Variants in RASL10B observed in about 807,000 individuals in gnomAD.
The protein encoded by RASL10B is RAS like family 10 member B.
RASL10B carries 10 observed loss-of-function variants against 20.7 expected under a neutral mutation model. The observed-to-expected ratio is 0.48, with a 90% CI of 0.30 to 0.82. The LOEUF (loss-of-function observed/expected upper bound fraction) is 0.82, where lower values mean the gene tolerates loss of function less well. Among genes scored for constraint, RASL10B ranks in the 40% least tolerant of loss-of-function variants. The pLI, the probability that RASL10B is intolerant of heterozygous loss-of-function variation, is 0.07. For synonymous variants in RASL10B, 110 were observed against 123.3 expected, an observed-to-expected ratio of 0.89 and a Z score of 0.72; for missense variants, 231 against 295.4, an observed-to-expected ratio of 0.78 and a Z score of 1.60.
Position 35,740,409 on chromosome 17 carries a change from G to A in RASL10B, c.217G>A (p.Glu73Lys). 6.2e-7 allele frequency: 1 copy of A among 1,613,476 alleles called. No homozygotes were observed. The highest frequency in any genetic ancestry group is 8.5e-7 in the Non-Finnish European group (1 of 1,179,700). Reference protein sequence around the residue: ...ISAFPVNTLQEWADTCCRGLR... With the variant: ...ISAFPVNTLQKWADTCCRGLR... ...CTGGTACTGGCTGGGGATATTGCAG[G>A]AGTGGGCAGACACCTGCTGCAGGGG... The change falls in exon 3 of 4, where the codon GAG (glutamate) becomes AAG (lysine). Residue 73 changes from glutamate to lysine, a missense_variant and splice_region_variant. Physicochemically the swap from Glu to Lys is moderately conservative, Grantham distance 56. Coordinates refer to ENST00000603017, the MANE Select transcript of RASL10B (RefSeq NM_033315.4).
In RASL10B at chr17:35,742,797, T is replaced by G. The variant is rs2085638204; in HGVS notation, c.*1492T>G. 6.6e-6 allele frequency: 1 copy of G among 152,286 alleles called. No homozygotes were observed. Among genetic ancestry groups the G allele is most frequent in the Non-Finnish European group, 1.5e-5 (1 of 68,088 alleles). The allele number at this position is 152,286 out of a possible 1,614,324, so 9.4% of individuals were successfully genotyped here. A position where few individuals can be genotyped will look rare whatever the true frequency, so the allele number is the denominator to read the frequency against. On this transcript the variant is annotated 3_prime_UTR_variant, in exon 4 of 4. Transcript: ENST00000603017. Reference sequence around the variant, plus strand: ...AGGGGCAGAGAGGACAACTCCGCTTTGGCCAACCTAGCCAAGGCTGCAGCA... The same window carrying G: ...AGGGGCAGAGAGGACAACTCCGCTTGGGCCAACCTAGCCAAGGCTGCAGCA...
chr17:35,740,387 G>T, intron 2 of RASL10B, 22 bp from the exon 3 acceptor site: 1 of 1,611,174 alleles, frequency 6.2e-7, no homozygotes, highest in Non-Finnish European at 8.5e-7. Context: ...TCTGACCCTG[G>T]TACTGGCTGG....
At chr17:35,736,444 G>A (rs764566273) in intron 2 of RASL10B, among the ~76,000 whole-genome samples, 1 of 152,222 alleles carries the variant, frequency 6.6e-6, no homozygotes, top group African/African-American at 2.4e-5. Context: ...CAGGCAGGAG[G>A]GCCCTGGCCT....
chr17:35,742,492 A>G lies in RASL10B; in HGVS notation c.*1187A>G, dbSNP rs782296485. 1 of 152,738 alleles carries G rather than the reference A, an allele frequency of 6.5e-6. No individual in the cohort carries two copies. Among genetic ancestry groups the G allele is most frequent in the South Asian group, 2.1e-4 (1 of 4,838 alleles). The allele number at this position is 152,738 out of a possible 1,614,324, so 9.5% of individuals were successfully genotyped here. On this transcript the variant is annotated 3_prime_UTR_variant, in exon 4 of 4. Transcript: ENST00000603017. ...TCTGACACCCTCTTGTCCCAACACC[A>G]GTCAGCCCTATACCCTAACTCACTC... is the stretch of plus-strand genomic sequence containing the variant.
At chr17:35,737,942 AG>A (rs2085604611) in intron 2 of RASL10B, among the ~76,000 whole-genome samples, 1 of 148,296 alleles carries the variant, frequency 6.7e-6, no homozygotes, top group Admixed American at 6.7e-5. Context: ...TGGAGTTTGG[AG>A]GGGAGGTTAT....
chr17:35,734,006 T>G (rs1256654258), intron 1 of RASL10B, among the ~76,000 whole-genome samples: 1 of 152,210 alleles, frequency 6.6e-6, no homozygotes, highest in African/African-American at 2.4e-5. Context: ...TTAGAATCAC[T>G]GAACTTGGCC....
intron 1 of RASL10B, among the ~76,000 whole-genome samples, chr17:35,733,680 T>C (rs2085573179): frequency 6.6e-6 from 1 of 152,254 alleles, no homozygotes; most frequent in African/African-American, 2.4e-5. Context: ...GTCTCAGGCA[T>C]GTAACAGCCT....
intron 1 of RASL10B, among the ~76,000 whole-genome samples, chr17:35,733,816 C>T (rs2085573846): frequency 6.6e-6 from 1 of 152,212 alleles, no homozygotes; most frequent in South Asian, 2.1e-4. Context: ...AGCATGGCTC[C>T]AGTTGAGAAG....
Position 35,741,060 on chromosome 17 carries a change from A to G in RASL10B, c.367A>G (p.Ile123Val). 6.2e-7 allele frequency: 1 copy of G among 1,607,880 alleles called. No homozygotes were observed. The highest frequency in any genetic ancestry group is 8.5e-7 in the Non-Finnish European group (1 of 1,175,736). ...GGTGATCGGAACCTCAGAGACGCCCATCATCATCGTGGGCAACAAGCGGGA... is the reference window on the plus strand; with the variant it reads ...GGTGATCGGAACCTCAGAGACGCCCGTCATCATCGTGGGCAACAAGCGGGA... ...TRVIGTSETP[I>V]IIVGNKRDLQ... Residue 123 changes from isoleucine (I) to valine (V), a missense_variant, in exon 4 of 4, where the codon ATC (isoleucine) becomes GTC (valine). Physicochemically the swap from Ile to Val is conservative, Grantham distance 29. Coordinates refer to ENST00000603017, the MANE Select transcript of RASL10B (RefSeq NM_033315.4).
chr17:35,739,804 ACACT>A (rs1373873125), intron 2 of RASL10B, among the ~76,000 whole-genome samples: 3 of 152,236 alleles, frequency 2.0e-5, no homozygotes, highest in Non-Finnish European at 4.4e-5. Context: ...ACAGTGCTAG[ACACT>A]CAGGGAGGAA....
intron 3 of RASL10B, 101 bp from the exon 4 acceptor site, chr17:35,740,934 A>G (rs1555597833): frequency 2.0e-6 from 2 of 981,270 alleles, no homozygotes; most frequent in East Asian, 2.5e-5. Flanking sequence ...CTGGAGCAGA[A>G]CCTACGGTGG....
intron 1 of RASL10B, among the ~76,000 whole-genome samples, chr17:35,734,717 G>A (rs1017150860): frequency 2.0e-5 from 3 of 152,214 alleles, no homozygotes; most frequent in Admixed American, 6.5e-5. Context: ...AGGTGTTGCC[G>A]TCTTGTCCCA....
At chr17:35,739,603 G>C (rs978346743) in intron 2 of RASL10B, among the ~76,000 whole-genome samples, 2 of 152,188 alleles carry the variant, frequency 1.3e-5, no homozygotes, top group Non-Finnish European at 2.9e-5. Context: ...CTCTACATCA[G>C]CCCATTATGC....
rs947929273 is a variant in RASL10B at position 35,735,051 on chromosome 17, C to T, written c.-134C>T. ...TTGTCCCCACAGTCCAGGTGGAGGCCGCAGAGGGCCCAGGGCAAGCAGAGG... is the reference window on the plus strand; with the variant it reads ...TTGTCCCCACAGTCCAGGTGGAGGCTGCAGAGGGCCCAGGGCAAGCAGAGG... On this transcript the variant is annotated 5_prime_UTR_variant, in exon 2 of 4. Transcript: ENST00000603017. The surrounding 1 kb of genome is among the most constrained non-coding windows in gnomAD (Gnocchi z 6.7). The T allele has an allele frequency of 1.5e-5, 13 of 883,042 alleles. No individual in the cohort carries two copies. Among genetic ancestry groups the T allele is most frequent in the East Asian group, 5.0e-5 (2 of 40,336 alleles). The allele number at this position is 883,042 out of a possible 1,614,324, so 54.7% of individuals were successfully genotyped here. A position where few individuals can be genotyped will look rare whatever the true frequency, so the allele number is the denominator to read the frequency against.
At chr17:35,736,111 T>A (rs1360840992) in intron 2 of RASL10B, among the ~76,000 whole-genome samples, 1 of 152,178 alleles carries the variant, frequency 6.6e-6, no homozygotes, top group Non-Finnish European at 1.5e-5. Context: ...GGTTTGGATT[T>A]AAATGCCTGA....
chr17:35,740,767 G>C (rs117253863), intron 3 of RASL10B, among the ~76,000 whole-genome samples: 2,350 of 152,302 alleles, frequency 0.015, 24 homozygotes, highest in Non-Finnish European at 0.024. Context: ...GGGACTTCTG[G>C]AACAAGACTT....
At position 35,741,417 on chromosome 17, in the gene RASL10B, G is replaced by T; in HGVS notation, c.*112G>T. The T allele has an allele frequency of 7.5e-7, 1 of 1,340,372 alleles. No individual in the cohort carries two copies. The highest frequency in any genetic ancestry group is 9.6e-7 in the Non-Finnish European group (1 of 1,044,332). 83.0% of individuals were successfully genotyped at this position (1,340,372 alleles called of 1,614,324 possible). ...AATGGAACTGTGACGGTCCCGGCCT[G>T]AGGCCCCTGCAGCCACGCACCTCCC... is the stretch of plus-strand genomic sequence containing the variant. On this transcript the variant is annotated 3_prime_UTR_variant, in exon 4 of 4. Coordinates refer to ENST00000603017, the MANE Select transcript of RASL10B (RefSeq NM_033315.4).
chr17:35,735,422 TG>T lies in RASL10B; in HGVS notation c.216+25del, dbSNP rs1555597080. 1.2e-6 allele frequency: 2 copies of T among 1,609,178 alleles called. No individual in the cohort carries two copies. Among genetic ancestry groups the T allele is most frequent in the Non-Finnish European group, 1.7e-6 (2 of 1,175,998 alleles). ...CCAGGTAGGAGGACCCTGGGGGGCA[TG>T]GGTTAGTGGGGAAACGGATGGGTAG... On this transcript the variant is annotated intron_variant, in intron 2 of 3. Coordinates refer to ENST00000603017, the MANE Select transcript of RASL10B (RefSeq NM_033315.4). The surrounding 1 kb of genome is among the most constrained non-coding windows in gnomAD (Gnocchi z 6.7).
At chr17:35,732,215 A>G (rs1268561194) in intron 1 of RASL10B, among the ~76,000 whole-genome samples, 2 of 152,180 alleles carry the variant, frequency 1.3e-5, no homozygotes, top group Non-Finnish European at 2.9e-5. Flanking sequence ...AACAGCTGGC[A>G]GACTTGTGAC....
Sources: gnomAD v4.1 joint callset for allele counts (sites outside exome capture counted in the v4.1 genomes callset) on GRCh38, gnomAD v4.1.1 for gene constraint, Gnocchi (gnomAD v3.1) non-coding constraint, MANE v1.5 for transcripts, NCBI Gene and HGNC (gene_info 2026-07-23, HGNC 2026-07-21) for gene names.